The following XRN2 variants were observed in gnomAD, a reference collection of about 807,000 sequenced individuals.
XRN2 encodes the protein DHM1-like protein.
XRN2 carries 44 observed loss-of-function variants against 138.5 expected under a neutral mutation model. That is an observed-to-expected ratio of 0.32 (90% CI 0.25 to 0.41). The LOEUF (loss-of-function observed/expected upper bound fraction) is 0.41, where lower values mean the gene tolerates loss of function less well. Among genes scored for constraint, XRN2 ranks in the 10% least tolerant of loss-of-function variants. XRN2 has a pLI of 1.00. For missense variants in XRN2, 937 were observed against 1,169.3 expected (o/e 0.80, Z 2.90); for synonymous variants, 354 against 369.4 (o/e 0.96, Z 0.48).
intron 27 of XRN2, among the ~76,000 whole-genome samples, chr20:21,381,727 C>T (rs1028874988): frequency 6.6e-6 from 1 of 151,926 alleles, no homozygotes; most frequent in Non-Finnish European, 1.5e-5. Flanking sequence ...CACACACACA[C>T]ACACACACAC....
At chr20:21,318,523 T>G (rs1280133780) in intron 1 of XRN2, among the ~76,000 whole-genome samples, 1 of 152,002 alleles carries the variant, frequency 6.6e-6, no homozygotes, top group Non-Finnish European at 1.5e-5. Flanking sequence ...TGAGATTTTT[T>G]TTTTAATTAA....
intron 1 of XRN2, among the ~76,000 whole-genome samples, chr20:21,314,589 C>A (rs140208443): frequency 6.6e-6 from 1 of 151,922 alleles, no homozygotes; most frequent in Non-Finnish European, 1.5e-5. Context: ...TGGGTTCAAG[C>A]GATTCTCCTG....
intron 28 of XRN2, among the ~76,000 whole-genome samples, chr20:21,386,359 A>G (rs6047419): frequency 2.6e-5 from 4 of 152,366 alleles, no homozygotes; most frequent in African/African-American, 9.6e-5. Context: ...ATTGAACAGA[A>G]TAATGGATGG....
intron 27 of XRN2, among the ~76,000 whole-genome samples, chr20:21,369,643 A>G (rs532454711): frequency 5.3e-5 from 8 of 152,312 alleles, no homozygotes; most frequent in East Asian, 1.9e-4. Context: ...AACTTTTTAT[A>G]TACCTGTTTG....
rs778958947 is a variant in XRN2, at chr20:21,346,569, C to T, written c.1665+19C>T. ...TTACCAGGTACAAAAAGAATATTTT[C>T]CTCTGAATTTGTAGTTAATCATTTA... On this transcript the variant is annotated intron_variant, in intron 17 of 29. Coordinates refer to ENST00000377191, the MANE Select transcript of XRN2 (RefSeq NM_012255.5). 16 of 1,604,642 alleles carry T rather than the reference C, an allele frequency of 1.0e-5. No homozygotes were observed. Among genetic ancestry groups the T allele is most frequent in the South Asian group, 6.7e-5 (6 of 89,628 alleles).
chr20:21,358,114 T>C (rs1023592007), intron 24 of XRN2, among the ~76,000 whole-genome samples: 1 of 152,194 alleles, frequency 6.6e-6, no homozygotes, highest in Admixed American at 6.5e-5. Context: ...AACAGAACTC[T>C]ACACCCCAGA....
chr20:21,342,236 C>T (rs1169520940), intron 15 of XRN2, among the ~76,000 whole-genome samples: 1 of 152,062 alleles, frequency 6.6e-6, no homozygotes, highest in East Asian at 1.9e-4. Context: ...GTTGTAGTCT[C>T]TAATACTTAT....
chr20:21,344,659 A>G (rs2038413641), intron 16 of XRN2, among the ~76,000 whole-genome samples: 1 of 152,256 alleles, frequency 6.6e-6, no homozygotes, highest in Non-Finnish European at 1.5e-5. Context: ...TGCAGAAATC[A>G]TTCTGTTAAG....
chr20:21,320,019 T>A (rs2038015438), intron 1 of XRN2, among the ~76,000 whole-genome samples: 1 of 152,166 alleles, frequency 6.6e-6, no homozygotes, highest in Admixed American at 6.5e-5. Flanking sequence ...GTCACTTGCT[T>A]TAGTAACTTT....
chr20:21,312,738 CTG>C (rs2037900294), intron 1 of XRN2, among the ~76,000 whole-genome samples: 1 of 151,800 alleles, frequency 6.6e-6, no homozygotes, highest in Non-Finnish European at 1.5e-5. Flanking sequence ...TCCCAAATAA[CTG>C]GGACAACCAG....
intron 27 of XRN2, among the ~76,000 whole-genome samples, chr20:21,380,626 G>T (rs1201599633): frequency 6.6e-6 from 1 of 152,160 alleles, no homozygotes; most frequent in East Asian, 1.9e-4. Context: ...TAGTAGTTTG[G>T]TTTTTAAGAA....
At chr20:21,338,493 C>T (rs898641991) in intron 13 of XRN2, among the ~76,000 whole-genome samples, 9 of 152,084 alleles carry the variant, frequency 5.9e-5, no homozygotes, top group African/African-American at 2.2e-4. Flanking sequence ...TTTTTGGAAT[C>T]TGGCCAGGGT....
intron 19 of XRN2, 49 bp from the exon 20 acceptor site, chr20:21,349,340 A>C: frequency 3.3e-6 from 4 of 1,207,636 alleles, no homozygotes; most frequent in Non-Finnish European, 4.9e-6. Flanking sequence ...TCTTTATAAC[A>C]GAGATGTGTG....
At chr20:21,319,190 A>G (rs1247777617) in intron 1 of XRN2, among the ~76,000 whole-genome samples, 1 of 152,080 alleles carries the variant, frequency 6.6e-6, no homozygotes, top group Non-Finnish European at 1.5e-5. Context: ...ATCTGATATC[A>G]GTATAGCCAC....
At chr20:21,303,561 G>T (rs931877654) in intron 1 of XRN2, 88 bp downstream of exon 1, 15 of 1,419,552 alleles carry the variant, frequency 1.1e-5, no homozygotes, top group Non-Finnish European at 1.4e-5. Context: ...GCCTGCCCCC[G>T]GGGAGCCTTG....
intron 19 of XRN2, 112 bp downstream of exon 19, chr20:21,348,542 G>C (rs1295811136): frequency 3.1e-6 from 3 of 976,876 alleles, no homozygotes; most frequent in Non-Finnish European, 4.6e-6. Flanking sequence ...TACAGAAACA[G>C]TATGTTTTTT....
chr20:21,329,861 GT>G (rs1568574110), intron 4 of XRN2, among the ~76,000 whole-genome samples: 5 of 19,474 alleles, frequency 2.6e-4, no homozygotes, highest in Admixed American at 1.3e-3. Context: ...TAACTGGTGT[GT>G]GTGTGTGTGT....
chr20:21,330,617 G>T lies in XRN2; in HGVS notation c.488G>T (p.Gly163Val). The T allele has an allele frequency of 1.2e-6, 2 of 1,613,682 alleles. No individual in the cohort carries two copies. The highest frequency in any genetic ancestry group is 1.7e-6 in the Non-Finnish European group (2 of 1,179,924). Residue 163 changes from glycine (G) to valine (V), a missense_variant and splice_region_variant, in exon 6 of 30, where the codon GGA (glycine) becomes GTA (valine). By Grantham distance (109) the Gly-to-Val change is moderately radical. This residue lies in a region of XRN2 where 471 missense variants were observed against 581.2 expected (regional missense o/e 0.81). Coordinates refer to ENST00000377191, the MANE Select transcript of XRN2 (RefSeq NM_012255.5). ...ERFDSNCITP[G>V]TEFMDNLAKC... ...ATTTATTTCTTTCTATCATTTTAGG[G>T]AACTGAATTCATGGACAATCTTGCT...
intron 17 of XRN2, 124 bp from the exon 18 acceptor site, chr20:21,348,022 G>T: frequency 1.3e-6 from 1 of 778,244 alleles, no homozygotes; most frequent in Non-Finnish European, 2.0e-6. Flanking sequence ...TGGAATATAT[G>T]CCAGAAGTCA....
Sources: allele counts gnomAD v4.1 joint callset (sites outside exome capture counted in the v4.1 genomes callset), GRCh38; gene constraint gnomAD v4.1.1; regional missense constraint gnomAD v4.1.1; transcripts MANE v1.5; gene names NCBI Gene and HGNC (gene_info 2026-07-23, HGNC 2026-07-21).